The following CDC42BPA variants were observed in gnomAD, a reference collection of about 807,000 sequenced individuals.
The protein encoded by CDC42BPA is serine/threonine-protein kinase MRCK alpha.
A neutral mutation model predicts 223.5 loss-of-function variants in CDC42BPA; 80 were observed. The ratio of observed to expected loss-of-function variants is 0.36; its 90% CI spans 0.30 to 0.43. CDC42BPA has a LOEUF of 0.43. Among genes scored for constraint, CDC42BPA ranks in the 20% least tolerant of loss-of-function variants. The pLI is 1.00. For missense variants in CDC42BPA, 1,743 were observed against 2,099.9 expected, an observed-to-expected ratio of 0.83 and a Z score of 3.32; for synonymous variants, 694 against 718.6, an observed-to-expected ratio of 0.97 and a Z score of 0.55.
chr1:227,081,103 A>C (rs1047399867), intron 16 of CDC42BPA, 86 bp from the exon 17 acceptor site: 1 of 1,312,782 alleles, frequency 7.6e-7, no homozygotes, highest in Non-Finnish European at 1.1e-6. Context: ...TGATTACTCA[A>C]CATCATCTAC....
At chr1:227,135,180 G>A (rs902840021) in intron 10 of CDC42BPA, among the ~76,000 whole-genome samples, 2 of 152,174 alleles carry the variant, frequency 1.3e-5, no homozygotes, top group Non-Finnish European at 2.9e-5. Flanking sequence ...AGCTTCTGGA[G>A]GATGTGTGGG....
chr1:227,114,815 T>A (rs1687512704), intron 12 of CDC42BPA, among the ~76,000 whole-genome samples: 1 of 152,110 alleles, frequency 6.6e-6, no homozygotes, highest in African/African-American at 2.4e-5. Flanking sequence ...AAAATCCAAA[T>A]GCTGGTCCCA....
At chr1:227,175,406 T>C (rs893076745) in intron 5 of CDC42BPA, among the ~76,000 whole-genome samples, 1 of 151,998 alleles carries the variant, frequency 6.6e-6, no homozygotes, top group African/African-American at 2.4e-5. Flanking sequence ...TCATAGTCTA[T>C]GCCTCTGCAA....
chr1:227,234,778 C>A (rs1424764952), intron 2 of CDC42BPA: 1 of 152,254 alleles, frequency 6.6e-6, no homozygotes, highest in Non-Finnish European at 1.5e-5. Context: ...ACAAAGATGA[C>A]AAGCACTACA....
intron 2 of CDC42BPA, among the ~76,000 whole-genome samples, chr1:227,246,750 CAAT>C (rs1406343800): frequency 1.3e-5 from 2 of 152,144 alleles, no homozygotes; most frequent in African/African-American, 4.8e-5. Context: ...GCAAAGTCTA[CAAT>C]AAATACCTAA....
chr1:227,071,395 T>A (rs75200760), intron 20 of CDC42BPA, among the ~76,000 whole-genome samples: 65 of 152,002 alleles, frequency 4.3e-4, no homozygotes, highest in South Asian at 4.1e-3. Context: ...CCCTTTATTT[T>A]AAAAATATCT....
chr1:227,034,836 A>C, intron 25 of CDC42BPA, 42 bp from the exon 26 acceptor site: 1 of 1,528,544 alleles, frequency 6.5e-7, no homozygotes, highest in Non-Finnish European at 8.9e-7. Context: ...AAACAACTCA[A>C]ATGAAAATAT....
rs1358063579 is a variant in CDC42BPA at position 227,317,683 on chromosome 1, G to A, written c.-501C>T. The A allele has an allele frequency of 3.3e-5, 13 of 398,490 alleles. No individual in the cohort carries two copies. Among genetic ancestry groups the A allele is most frequent in the Non-Finnish European group, 3.5e-5 (8 of 226,086 alleles). The allele number at this position is 398,490 out of a possible 1,614,324, so 24.7% of individuals were successfully genotyped here. Reference sequence around the variant, plus strand: ...AGGAAAAAAACAGAATGCATAGAAGGGGGAGGGAAAACCAAAAATGTTGCT... The same window carrying A: ...AGGAAAAAAACAGAATGCATAGAAGAGGGAGGGAAAACCAAAAATGTTGCT... On this transcript the variant is annotated 5_prime_UTR_variant, in exon 1 of 37. Transcript: ENST00000366766.
At chr1:227,215,062 A>C (rs920899375) in intron 2 of CDC42BPA, among the ~76,000 whole-genome samples, 7 of 152,212 alleles carry the variant, frequency 4.6e-5, no homozygotes, top group Non-Finnish European at 7.3e-5. Context: ...GCTTCACTGA[A>C]GAAACGTGAA....
chr1:227,132,817 G>C (rs1209760051), intron 10 of CDC42BPA, among the ~76,000 whole-genome samples: 1 of 150,698 alleles, frequency 6.6e-6, no homozygotes, highest in African/African-American at 2.4e-5. Flanking sequence ...CCTCTGCCCG[G>C]CCGCAACCCC....
chr1:227,265,184 AAAC>A, intron 1 of CDC42BPA: 1 of 661,918 alleles, frequency 1.5e-6, no homozygotes, highest in Admixed American at 2.2e-5. Context: ...CCAGCAGCAC[AAAC>A]ACCAAAGCGT....
intron 30 of CDC42BPA, 133 bp from the exon 31 acceptor site, chr1:227,026,285 C>T (rs748893569): frequency 1.5e-4 from 80 of 544,038 alleles, no homozygotes; most frequent in Non-Finnish European, 2.4e-4. Context: ...ATATAGTAGC[C>T]AAATCAAAAC....
At chr1:227,279,778 C>T (rs976284493) in intron 1 of CDC42BPA, among the ~76,000 whole-genome samples, 1 of 151,978 alleles carries the variant, frequency 6.6e-6, no homozygotes, top group Non-Finnish European at 1.5e-5. Flanking sequence ...GTACTAAGGC[C>T]GGGAACGGTG....
Position 227,139,601 on chromosome 1 carries a change from T to C in CDC42BPA, c.1365A>G (p.Lys455=), listed in dbSNP as rs764880749. The C allele has an allele frequency of 6.3e-7, 1 of 1,599,470 alleles. No homozygotes were observed. Among genetic ancestry groups the C allele is most frequent in the Non-Finnish European group, 8.5e-7 (1 of 1,175,060 alleles). The change falls in exon 10 of 37, where the codon AAA becomes AAG. Residue 455 remains lysine (K), a synonymous_variant. Coordinates refer to ENST00000366766, the MANE Select transcript of CDC42BPA (RefSeq NM_001394014.1). ...CTTGAAGTTTTCTACTGAGTTCAAG[T>C]TTTTCTTGCTCAAGGCGCTTAATTC... ...ERRIKRLEQE[K]LELSRKLQES...
chr1:227,043,055 C>T (rs1671712340), intron 23 of CDC42BPA, among the ~76,000 whole-genome samples: 1 of 152,048 alleles, frequency 6.6e-6, no homozygotes, highest in Non-Finnish European at 1.5e-5. Flanking sequence ...TAATAAATGA[C>T]AAGTCAAAGA....
Position 227,300,426 on chromosome 1 carries a change from C to G in CDC42BPA, c.178+16579G>C, listed in dbSNP as rs141483345. ...ATATGGAACCAACCTAAGTGCCCAT[C>G]AACCAATGTAGGGATAAAGAATATA... On this transcript the variant is annotated intron_variant, in intron 1 of 36. Transcript: ENST00000366766. 4.9e-3 allele frequency among the ~76,000 whole-genome samples: 742 copies of G among 152,248 alleles called. 3 individuals are homozygous for G. Among genetic ancestry groups the G allele is most frequent in the Non-Finnish European group, 6.9e-3 (469 of 68,020 alleles).
intron 35 of CDC42BPA, among the ~76,000 whole-genome samples, chr1:226,998,465 C>T (rs922736881): frequency 6.6e-6 from 1 of 152,146 alleles, no homozygotes; most frequent in Admixed American, 6.5e-5. Flanking sequence ...CAATGGAACA[C>T]AATAGAGGCC....
intron 21 of CDC42BPA, among the ~76,000 whole-genome samples, chr1:227,066,471 C>A (rs547060894): frequency 6.6e-6 from 1 of 151,906 alleles, no homozygotes. Context: ...GAGCGTTATG[C>A]GAAATATCTT....
At chr1:227,179,660 A>AAAT (rs1667602280) in intron 5 of CDC42BPA, among the ~76,000 whole-genome samples, 2 of 141,330 alleles carry the variant, frequency 1.4e-5, no homozygotes, top group Non-Finnish European at 3.1e-5. Flanking sequence ...AAAAAAAAAA[A>AAAT]GCTATTTTAA....
Sources: allele counts gnomAD v4.1 joint callset (sites outside exome capture counted in the v4.1 genomes callset), GRCh38; gene constraint gnomAD v4.1.1; transcripts MANE v1.5; gene names NCBI Gene and HGNC (gene_info 2026-07-23, HGNC 2026-07-21).